The following TPM4 variants were observed in gnomAD, a reference collection of about 807,000 sequenced individuals.
TPM4 encodes tropomyosin alpha-4 chain.
Under a neutral mutation model 35.8 loss-of-function variants are expected in TPM4, and 17 were observed. The ratio of observed to expected loss-of-function variants is 0.47; its 90% CI spans 0.32 to 0.71. The LOEUF (loss-of-function observed/expected upper bound fraction) is 0.71, where lower values mean the gene tolerates loss of function less well. Among genes scored for constraint, TPM4 ranks in the 30% least tolerant of loss-of-function variants. The pLI is 0.03. For missense variants in TPM4, 240 were observed against 320.9 expected (o/e 0.75, Z 1.93); for synonymous variants, 120 against 122.9 (o/e 0.98, Z 0.15).
chr19:16,076,121 C>A, upstream of TPM4: 1 of 1,590,578 alleles, frequency 6.3e-7, no homozygotes, highest in South Asian at 1.1e-5. Flanking sequence ...ATTCCGAGGA[C>A]CTGAAGGACG....
chr19:16,094,057 C>T (rs1429032929), intron 7 of TPM4, among the ~76,000 whole-genome samples: 13 of 150,568 alleles, frequency 8.6e-5, no homozygotes, highest in Admixed American at 5.3e-4. Flanking sequence ...CTGCGCCTCC[C>T]GGGTTCAAGT....
chr19:16,081,897 C>T lies in TPM4; in HGVS notation c.133-16C>T, dbSNP rs1345204430. The T allele has an allele frequency of 2.5e-6, 4 of 1,579,436 alleles. No individual in the cohort carries two copies. The highest frequency in any genetic ancestry group is 1.7e-5 in the Admixed American group (1 of 59,054). ...CCTGATACTTCTTAACATGGCTGCA[C>T]CTCCGACCTCCCCAGGCTGAAGGTG... is the stretch of plus-strand genomic sequence containing the variant. On this transcript the variant is annotated splice_polypyrimidine_tract_variant and intron_variant, in intron 1 of 7. Coordinates refer to ENST00000643579, the MANE Select transcript of TPM4 (RefSeq NM_003290.3).
rs139225227 is a variant in TPM4, at chr19:16,081,058, C to T, written c.133-855C>T. On this transcript the variant is annotated intron_variant, in intron 1 of 7. Coordinates refer to ENST00000643579, the MANE Select transcript of TPM4 (RefSeq NM_003290.3). Reference sequence around the variant, plus strand: ...AGGATGGAATTCCAACGAGGCTCCCCCGCCTCGTCCCACCTTGGTAATTGC... The same window carrying T: ...AGGATGGAATTCCAACGAGGCTCCCTCGCCTCGTCCCACCTTGGTAATTGC... 3.2e-4 allele frequency: 126 copies of T among 398,602 alleles called. 1 individual carries two copies. Among genetic ancestry groups the T allele is most frequent in the African/African-American group, 2.3e-3 (111 of 48,754 alleles). The allele number at this position is 398,602 out of a possible 1,614,324, so 24.7% of individuals were successfully genotyped here.
At chr19:16,076,014 A>AG, upstream of TPM4, 3 of 1,340,362 alleles carry the variant, frequency 2.2e-6, no homozygotes, top group South Asian at 3.9e-5. Flanking sequence ...CCCCCCCCCC[A>AG]GGCTGACCCG....
rs2090654167 is a variant in TPM4, at chr19:16,093,565, A to G, written c.561A>G (p.Glu187=). The G allele has an allele frequency of 1.2e-6, 2 of 1,614,082 alleles. No individual in the cohort carries two copies. The highest frequency in any genetic ancestry group is 1.7e-6 in the Non-Finnish European group (2 of 1,180,050). Residue 187 remains glutamate, a synonymous_variant, in exon 6 of 8, where the codon GAA becomes GAG. Coordinates refer to ENST00000643579, the MANE Select transcript of TPM4 (RefSeq NM_003290.3). ...CTGAAAAGGAGGACAAATATGAAGAAGAAATTAAACTTCTGTCTGACAAAC... is the reference window on the plus strand; with the variant it reads ...CTGAAAAGGAGGACAAATATGAAGAGGAAATTAAACTTCTGTCTGACAAAC... ...KYSEKEDKYE[E]EIKLLSDKLK...
chr19:16,076,343 A>G (rs1226249163), upstream of TPM4: 6 of 1,475,808 alleles, frequency 4.1e-6, no homozygotes, highest in African/African-American at 1.4e-5. Context: ...AGCTGTGGCC[A>G]GCGGTGCCGA....
At chr19:16,076,206 G>A (rs1297638905), upstream of TPM4, 5 of 1,551,222 alleles carry the variant, frequency 3.2e-6, no homozygotes, top group Non-Finnish European at 4.4e-6. Flanking sequence ...CCCGCGGCGG[G>A]GCCAGGCCGG....
chr19:16,086,624 A>G (rs1353049621), intron 3 of TPM4, 84 bp downstream of exon 3: 2 of 1,153,594 alleles, frequency 1.7e-6, no homozygotes, highest in Non-Finnish European at 2.5e-6. Flanking sequence ...GGGGCCAACG[A>G]AAGGAAGCTC....
Position 16,093,766 on chromosome 19 carries a change from C to T in TPM4, c.664+13C>T. On this transcript the variant is annotated intron_variant, in intron 7 of 7. Coordinates refer to ENST00000643579, the MANE Select transcript of TPM4 (RefSeq NM_003290.3). Reference sequence around the variant, plus strand: ...GATGACCTGGAAGGTATGAGGTTACCATCTAAATGTTTGCCTTGCCCTGCC... The same window carrying T: ...GATGACCTGGAAGGTATGAGGTTACTATCTAAATGTTTGCCTTGCCCTGCC... 2 of 1,612,758 alleles carry T rather than the reference C, an allele frequency of 1.2e-6. No homozygotes were observed. Among genetic ancestry groups the T allele is most frequent in the East Asian group, 4.5e-5 (2 of 44,882 alleles).
In TPM4 at chr19:16,089,135, T is replaced by A; in HGVS notation, c.531+15T>A. 1 of 1,612,960 alleles carries A rather than the reference T, an allele frequency of 6.2e-7. No individual in the cohort carries two copies. The highest frequency in any genetic ancestry group is 8.5e-7 in the Non-Finnish European group (1 of 1,179,906). ...CATCTGAAAAGGTAGGTGGTTGGCT[T>A]GAGCTGGAGGGTGGCTTGCTGGACT... On this transcript the variant is annotated intron_variant, in intron 5 of 7. Transcript: ENST00000643579.
chr19:16,071,199 A>AT (rs1231390728), intron 2 of TPM4, among the ~76,000 whole-genome samples: 9 of 152,028 alleles, frequency 5.9e-5, no homozygotes, highest in African/African-American at 2.2e-4. Flanking sequence ...CTTTAAATGT[A>AT]TTTTTATTTT....
chr19:16,092,059 T>G (rs1438070999), intron 5 of TPM4, among the ~76,000 whole-genome samples: 1 of 151,472 alleles, frequency 6.6e-6, no homozygotes, highest in African/African-American at 2.4e-5. Context: ...TAGGCCCAGC[T>G]ACTTGGGAGG....
chr19:16,091,439 C>A (rs2090625698), intron 5 of TPM4, among the ~76,000 whole-genome samples: 1 of 152,168 alleles, frequency 6.6e-6, no homozygotes, highest in Non-Finnish European at 1.5e-5. Context: ...AATAGAGGGA[C>A]CTTGGTAGGT....
upstream of TPM4, chr19:16,075,940 CAG>C (rs1208929298): frequency 4.2e-6 from 6 of 1,445,402 alleles, no homozygotes; most frequent in African/African-American, 4.3e-5. Flanking sequence ...AACTGATGCC[CAG>C]AGAGAGACGG....
upstream of TPM4, chr19:16,076,006 C>CAT: frequency 4.7e-6 from 7 of 1,482,876 alleles, 1 homozygote; most frequent in South Asian, 7.1e-5. Flanking sequence ...GGACGTGACC[C>CAT]CCCCCCCAGG....
chr19:16,101,220 A>T (rs1388500593), intron 7 of TPM4, 44 bp from the exon 8 acceptor site: 2 of 1,391,624 alleles, frequency 1.4e-6, no homozygotes, highest in Non-Finnish European at 9.8e-7. Flanking sequence ...TTTAACAAAG[A>T]CGCTTATTAA....
At chr19:16,101,177 AAG>A in intron 7 of TPM4, 85 bp from the exon 8 acceptor site, 2 of 1,181,562 alleles carry the variant, frequency 1.7e-6, no homozygotes, top group Non-Finnish European at 2.3e-6. Flanking sequence ...TCTCAAGAAG[AAG>A]AAAAAAAAAC....
chr19:16,076,155 G>C (rs747341262), upstream of TPM4: 5 of 1,563,464 alleles, frequency 3.2e-6, no homozygotes, highest in Non-Finnish European at 4.3e-6. Flanking sequence ...GGAGCTCACG[G>C]AGAAGAAGGC....
At chr19:16,078,020 A>C (rs891980379) in intron 1 of TPM4, 2 of 394,618 alleles carry the variant, frequency 5.1e-6, no homozygotes, top group African/African-American at 4.1e-5. Flanking sequence ...TGATCTGCCC[A>C]CCTTGGCCTC....
Sources: allele counts gnomAD v4.1 joint callset (sites outside exome capture counted in the v4.1 genomes callset), GRCh38; gene constraint gnomAD v4.1.1; transcripts MANE v1.5; gene names NCBI Gene and HGNC (gene_info 2026-07-23, HGNC 2026-07-21).